TREH: variants seen among roughly 807,000 people sequenced by gnomAD.
TREH encodes the protein trehalase.
TREH carries 69 observed loss-of-function variants against 80.5 expected under a neutral mutation model. That is an observed-to-expected ratio of 0.86 (90% CI 0.71 to 1.05). The LOEUF is 1.05. Ranked by LOEUF, TREH falls within the 50% of genes least tolerant of loss-of-function variation. The probability of loss-of-function intolerance (pLI) is 0.00; values close to 1 mark genes in which losing one functional copy is unlikely to be tolerated. For synonymous variants in TREH, 309 were observed against 293.5 expected, an observed-to-expected ratio of 1.05 and a Z score of -0.54; for missense variants, 716 against 718.8, an observed-to-expected ratio of 1.00 and a Z score of 0.04.
chr11:118,663,038 T>C lies in TREH; in HGVS notation c.335+14A>G, dbSNP rs369324549. ...TGGAAGGAACCCTCTCTTGTTCCCC[T>C]TCCAGAGTCATACCTGTCTTTCCAG... is the stretch of plus-strand genomic sequence containing the variant. On this transcript the variant is annotated intron_variant, in intron 3 of 14. Coordinates refer to ENST00000264029, the MANE Select transcript of TREH (RefSeq NM_007180.3). 1.5e-5 allele frequency: 24 copies of C among 1,612,676 alleles called. No homozygotes were observed. The highest frequency in any genetic ancestry group is 1.9e-5 in the Non-Finnish European group (22 of 1,179,102).
At chr11:118,672,023 A>T (rs1949433897) in intron 1 of TREH, among the ~76,000 whole-genome samples, 1 of 152,244 alleles carries the variant, frequency 6.6e-6, no homozygotes, top group Non-Finnish European at 1.5e-5. Context: ...AAGCTGAGGG[A>T]TTTCATCAAT....
At position 118,658,886 on chromosome 11, in the gene TREH, A is replaced by G. The variant is rs745663; in HGVS notation, c.1545+19T>C. 523,517 of 1,612,934 alleles carry G rather than the reference A, an allele frequency of 0.32. 88,396 individuals carry two copies. Among genetic ancestry groups the G allele is most frequent in the Admixed American group, 0.51 (30,628 of 60,006 alleles). On this transcript the variant is annotated intron_variant, in intron 13 of 14. Transcript: ENST00000264029. ...ACTGGGACAGCCTGGGGGTGCAGGG[A>G]GGGCTTGGGCCAGCTCACCTTCTCA...
At chr11:118,667,345 A>T (rs1949387277) in intron 1 of TREH, among the ~76,000 whole-genome samples, 1 of 4,740 alleles carries the variant, frequency 2.1e-4, no homozygotes, top group Non-Finnish European at 3.8e-4. Context: ...TATCCAGCTA[A>T]TTTTTTCTAT....
chr11:118,672,713 CAAAA>C (rs58199596), intron 1 of TREH, among the ~76,000 whole-genome samples: 2 of 43,946 alleles, frequency 4.6e-5, no homozygotes, highest in Non-Finnish European at 9.1e-5. Flanking sequence ...GACTCCATCT[CAAAA>C]AAAAAAAAAA....
chr11:118,660,902 T>G lies in TREH; in HGVS notation c.871A>C (p.Ser291Arg). The stretch of plus-strand genomic sequence containing the variant: ...GTGTCAGCCAACTCCACATCTTTGC[T>G]GTAGGACTCAGGCCTGGCAAAGAGG... ...PYGGPRPESY[S>R]KDVELADTLP... is the part of the protein sequence containing the mutation. The change falls in exon 9 of 15, where the codon AGC (serine) becomes CGC (arginine). Residue 291 changes from serine (S) to arginine (R), a missense_variant. Transcript: ENST00000264029. 6.4e-7 allele frequency: 1 copy of G among 1,572,700 alleles called. No homozygotes were observed. Among genetic ancestry groups the G allele is most frequent in the Non-Finnish European group, 8.6e-7 (1 of 1,158,358 alleles).
At chr11:118,662,188 G>T (rs574613760) in intron 4 of TREH, among the ~76,000 whole-genome samples, 198 bp from the exon 5 acceptor site, 2 of 151,946 alleles carry the variant, frequency 1.3e-5, no homozygotes, top group African/African-American at 4.8e-5. Flanking sequence ...CTCACCTGCC[G>T]GCCTTGGGAG....
Position 118,659,855 on chromosome 11 carries a change from A to G in TREH, c.1212T>C (p.Leu404=), listed in dbSNP as rs1555144486. 1 of 1,555,372 alleles carries G rather than the reference A, an allele frequency of 6.4e-7. No individual in the cohort carries two copies. The highest frequency in any genetic ancestry group is 2.4e-5 in the East Asian group (1 of 41,322). The stretch of plus-strand genomic sequence containing the variant: ...ACTCCCGGTTTTTCTTCTTCTTCTC[A>G]AGGTCGTAATCGAACCAGGCTCCGG... ...EQTGAWFDYD[L]EKKKKNREFY... The change falls in exon 11 of 15, where the codon CTT becomes CTC. Residue 404 remains leucine (L), a synonymous_variant. Coordinates refer to ENST00000264029, the MANE Select transcript of TREH (RefSeq NM_007180.3).
intron 1 of TREH, 127 bp from the exon 2 acceptor site, chr11:118,663,566 C>T (rs1250742784): frequency 4.3e-5 from 32 of 740,652 alleles, no homozygotes; most frequent in Admixed American, 7.0e-5. Context: ...GCTGTGTGTG[C>T]GTGCGTGTGT....
In TREH at chr11:118,661,822, C is replaced by T. The variant is rs1555145056; in HGVS notation, c.524+68G>A. 3.8e-6 allele frequency: 6 copies of T among 1,588,752 alleles called. No homozygotes were observed. The highest frequency in any genetic ancestry group is 2.3e-5 in the East Asian group (1 of 44,036). On this transcript the variant is annotated intron_variant, in intron 5 of 14. Transcript: ENST00000264029. The surrounding 1 kb of genome is among the most constrained non-coding windows in gnomAD (Gnocchi z 4.2). ...ACTCTGCCCTGCTGAAGACACCCTG[C>T]TGGCCCTGGGTTTCTCCACCACTGC...
intron 1 of TREH, among the ~76,000 whole-genome samples, chr11:118,673,254 C>T (rs1419130049): frequency 1.3e-5 from 2 of 151,992 alleles, no homozygotes; most frequent in Non-Finnish European, 2.9e-5. Flanking sequence ...TTGTTCTGAC[C>T]CTTTTACAGT....
rs781906736 is a variant in TREH at position 118,661,395 on chromosome 11, T to C, written c.732A>G (p.Leu244=). Residue 244 remains leucine (L), a splice_region_variant and synonymous_variant, in exon 7 of 15, where the codon CTA becomes CTG. Coordinates refer to ENST00000264029, the MANE Select transcript of TREH (RefSeq NM_007180.3). This position sits in a 1 kb window ranked among gnomAD's most constrained non-coding sequence, Gnocchi z 4.2. ...YLTHTNDTAF[L]QENIETLALE... is the part of the protein sequence containing the mutation. ...AGCACAGGGAGGGTGGTACCCACTG[T>C]AGAAAGGCGGTGTCATTGGTGTGAG... The C allele has an allele frequency of 6.2e-7, 1 of 1,613,846 alleles. No homozygotes were observed. Among genetic ancestry groups the C allele is most frequent in the African/African-American group, 1.3e-5 (1 of 74,934 alleles).
chr11:118,659,061 C>A (rs1949269571), intron 12 of TREH, 44 bp from the exon 13 acceptor site: 2 of 1,582,108 alleles, frequency 1.3e-6, no homozygotes, highest in Non-Finnish European at 1.7e-6. Flanking sequence ...GGTCTCCCAT[C>A]CCAGACAGAG....
chr11:118,669,367 C>G lies in TREH; in HGVS notation c.90-5928G>C, dbSNP rs551735122. Among the ~76,000 whole-genome samples the G allele has an allele frequency of 3.3e-4, 51 of 152,318 alleles. 1 individual carries two copies. In the South Asian group the frequency reaches 0.01, roughly 31 times the overall value. On this transcript the variant is annotated intron_variant, in intron 1 of 14. Transcript: ENST00000264029. ...AGATATATGACCAAAAGAAAAGAATCAATGTATTGAAGAGATATCTGCACT... is the reference window on the plus strand; with the variant it reads ...AGATATATGACCAAAAGAAAAGAATGAATGTATTGAAGAGATATCTGCACT...
chr11:118,674,046 C>T lies in TREH; in HGVS notation c.89+5493G>A, dbSNP rs1221330146. ...GAATACACTGAGTAACTGCATTCCC[C>T]CAGGAGCTTGTTCCTGATCCAGCCA... On this transcript the variant is annotated intron_variant, in intron 1 of 14. Coordinates refer to ENST00000264029, the MANE Select transcript of TREH (RefSeq NM_007180.3). The surrounding 1 kb of genome is among the most constrained non-coding windows in gnomAD (Gnocchi z 4.4). Among the ~76,000 whole-genome samples, 1 of 152,206 alleles carries T rather than the reference C, an allele frequency of 6.6e-6. No homozygotes were observed. Among genetic ancestry groups the T allele is most frequent in the Non-Finnish European group, 1.5e-5 (1 of 68,042 alleles).
At chr11:118,675,960 C>G (rs1469544976) in intron 1 of TREH, among the ~76,000 whole-genome samples, 1 of 152,236 alleles carries the variant, frequency 6.6e-6, no homozygotes, top group Non-Finnish European at 1.5e-5. Flanking sequence ...ACCTCGGCCT[C>G]CCAAAGTGTT....
intron 1 of TREH, among the ~76,000 whole-genome samples, chr11:118,675,004 G>A (rs182464025): frequency 5.1e-4 from 78 of 152,122 alleles, no homozygotes; most frequent in African/African-American, 1.7e-3. Flanking sequence ...AAGTCTATAG[G>A]GATTGTATAT....
intron 1 of TREH, among the ~76,000 whole-genome samples, chr11:118,677,547 C>T (rs1200951246): frequency 1.3e-5 from 2 of 152,156 alleles, no homozygotes; most frequent in African/African-American, 4.8e-5. Flanking sequence ...AACATGGCAA[C>T]ACCTCTGTCT....
intron 1 of TREH, among the ~76,000 whole-genome samples, chr11:118,677,789 G>A (rs976304515): frequency 1.3e-5 from 2 of 152,154 alleles, no homozygotes; most frequent in Non-Finnish European, 2.9e-5. Context: ...TGAATCACTG[G>A]CCTGAGGTTG....
At chr11:118,665,967 G>T (rs1389249561) in intron 1 of TREH, among the ~76,000 whole-genome samples, 4 of 152,222 alleles carry the variant, frequency 2.6e-5, no homozygotes, top group Non-Finnish European at 5.9e-5. Flanking sequence ...GCCGGGCGCG[G>T]TGGCTCACGC....
Sources: allele counts gnomAD v4.1 joint callset (sites outside exome capture counted in the v4.1 genomes callset), GRCh38; gene constraint gnomAD v4.1.1; non-coding constraint Gnocchi (gnomAD v3.1); transcripts MANE v1.5; gene names NCBI Gene and HGNC (gene_info 2026-07-23, HGNC 2026-07-21).